The following RASGRF2 variants were observed in gnomAD, a reference collection of about 807,000 sequenced individuals.
The protein encoded by RASGRF2 is ras-specific guanine nucleotide-releasing factor 2.
RASGRF2 carries 76 observed loss-of-function variants against 151.0 expected under a neutral mutation model. The observed-to-expected ratio is 0.50, with a 90% CI of 0.42 to 0.61. The LOEUF is 0.61. RASGRF2 is among the 20% of genes least tolerant of loss of function. The pLI is 0.00. For synonymous variants in RASGRF2, 504 were observed against 566.5 expected (o/e 0.89, Z 1.57); for missense variants, 1,148 against 1,564.6 (o/e 0.73, Z 4.49).
intron 18 of RASGRF2, among the ~76,000 whole-genome samples, chr5:81,188,953 T>C (rs1051153742): frequency 1.3e-5 from 2 of 152,234 alleles, no homozygotes; most frequent in African/African-American, 4.8e-5. Context: ...ACAGTGAGAA[T>C]AGCACATGTC....
chr5:81,087,030 G>GT, intron 9 of RASGRF2, 77 bp downstream of exon 9: 1 of 1,342,110 alleles, frequency 7.5e-7, no homozygotes, highest in Non-Finnish European at 1.1e-6. Context: ...CCCGGAAGGC[G>GT]TTCTGAACAG....
chr5:80,988,102 G>A (rs1692775287), intron 1 of RASGRF2, among the ~76,000 whole-genome samples: 1 of 151,602 alleles, frequency 6.6e-6, no homozygotes, highest in South Asian at 2.1e-4. Flanking sequence ...CCAGGCTGGA[G>A]TGCAGTGGCA....
At chr5:81,031,319 C>T (rs1418691693) in intron 1 of RASGRF2, among the ~76,000 whole-genome samples, 1 of 152,194 alleles carries the variant, frequency 6.6e-6, no homozygotes, top group Non-Finnish European at 1.5e-5. Context: ...ATCTACAGAA[C>T]TCTCCACCCC....
chr5:81,158,591 G>A (rs894417792), intron 17 of RASGRF2, among the ~76,000 whole-genome samples: 2 of 151,674 alleles, frequency 1.3e-5, no homozygotes, highest in Admixed American at 1.3e-4. Flanking sequence ...AATATATAAA[G>A]AAGTTTTACA....
rs1580182689 is a variant in RASGRF2 at position 80,997,292 on chromosome 5, A to G, written c.288+36266A>G. 5 of 152,336 alleles carry G rather than the reference A, an allele frequency of 3.3e-5. 1 individual carries two copies. The highest frequency in any genetic ancestry group is 6.5e-5 in the Admixed American group (1 of 15,300). 9.4% of individuals were successfully genotyped at this position (152,336 alleles called of 1,614,324 possible). A position where few individuals can be genotyped will look rare whatever the true frequency, so the allele number is the denominator to read the frequency against. ...CTTCTCCATGGATGCTGCAAATTAG[A>G]ATGTCTTCACTAAGCAGAGGGTCTC... On this transcript the variant is annotated intron_variant, in intron 1 of 26. Coordinates refer to ENST00000265080, the MANE Select transcript of RASGRF2 (RefSeq NM_006909.3).
chr5:81,204,858 G>A (rs1345967438), intron 19 of RASGRF2, among the ~76,000 whole-genome samples: 1 of 152,148 alleles, frequency 6.6e-6, no homozygotes, highest in Non-Finnish European at 1.5e-5. Context: ...TAAGATCATT[G>A]AGAAGAGGAA....
At chr5:81,199,967 T>C (rs529669010) in intron 18 of RASGRF2, among the ~76,000 whole-genome samples, 1 of 151,158 alleles carries the variant, frequency 6.6e-6, no homozygotes, top group South Asian at 2.1e-4. Context: ...TATTTGGAAT[T>C]CTACTATAAA....
chr5:81,121,335 C>A (rs760846788), intron 15 of RASGRF2, among the ~76,000 whole-genome samples: 5 of 152,152 alleles, frequency 3.3e-5, no homozygotes, highest in Non-Finnish European at 7.3e-5. Flanking sequence ...AACCCCACAC[C>A]ACCTCATTGT....
chr5:81,151,385 CT>C (rs34158947), intron 17 of RASGRF2, among the ~76,000 whole-genome samples: 55,993 of 134,364 alleles, frequency 0.42, 11,490 homozygotes, highest in East Asian at 0.8. Flanking sequence ...AAACTGGTAC[CT>C]TTTTTTTTTT....
At chr5:80,978,747 A>G (rs1185640203) in intron 1 of RASGRF2, among the ~76,000 whole-genome samples, 2 of 151,968 alleles carry the variant, frequency 1.3e-5, no homozygotes, top group Non-Finnish European at 1.5e-5. Flanking sequence ...AGATCGTGCC[A>G]TTGCACTCCA....
chr5:81,012,967 G>A (rs373107999), intron 1 of RASGRF2, among the ~76,000 whole-genome samples: 1 of 152,300 alleles, frequency 6.6e-6, no homozygotes, highest in South Asian at 2.1e-4. Flanking sequence ...CAGGGGATTG[G>A]AAGGAAAGGG....
intron 1 of RASGRF2, among the ~76,000 whole-genome samples, chr5:81,033,169 C>T (rs1220655492): frequency 6.6e-6 from 1 of 150,496 alleles, no homozygotes; most frequent in East Asian, 1.9e-4. Context: ...AATGGAAGAA[C>T]ATTCCATGCT....
Position 80,961,996 on chromosome 5 carries a change from G to C in RASGRF2, c.288+970G>C, listed in dbSNP as rs575598435. ...TTTTTGCTGTTGCGTAAAAATATTC[G>C]CAGCTGAATTTTCCATGTGAGTTCA... On this transcript the variant is annotated intron_variant, in intron 1 of 26. Transcript: ENST00000265080. 5.9e-5 allele frequency among the ~76,000 whole-genome samples: 9 copies of C among 152,194 alleles called. No individual in the cohort carries two copies. In the South Asian group the frequency reaches 1.9e-3, roughly 32 times the overall value.
At position 81,193,666 on chromosome 5, in the gene RASGRF2, C is replaced by G. The variant is rs540389495; in HGVS notation, c.2794-7664C>G. Among the ~76,000 whole-genome samples the G allele has an allele frequency of 5.3e-5, 8 of 152,304 alleles. No homozygotes were observed. The East Asian group carries it at 1.3e-3, about 26-fold the overall frequency. ...GCGTAGCTGGGATTACAGGCGCCCACCACCATGCCCAGCTAATTTTCGTAT... is the reference window on the plus strand; with the variant it reads ...GCGTAGCTGGGATTACAGGCGCCCAGCACCATGCCCAGCTAATTTTCGTAT... On this transcript the variant is annotated intron_variant, in intron 18 of 26. Transcript: ENST00000265080.
intron 1 of RASGRF2, among the ~76,000 whole-genome samples, chr5:80,969,713 A>G (rs1178214456): frequency 6.6e-6 from 1 of 151,328 alleles, no homozygotes; most frequent in Non-Finnish European, 1.5e-5. Context: ...GGCCTCCCAA[A>G]GTGCTGGGAT....
chr5:81,137,312 G>A (rs1179485502), intron 17 of RASGRF2, among the ~76,000 whole-genome samples: 1 of 152,158 alleles, frequency 6.6e-6, no homozygotes, highest in Non-Finnish European at 1.5e-5. Flanking sequence ...ATGTTTGGTA[G>A]GTTAGATATA....
chr5:81,215,265 ATCTTT>A (rs1271967978), intron 23 of RASGRF2, among the ~76,000 whole-genome samples: 2 of 146,314 alleles, frequency 1.4e-5, no homozygotes, highest in African/African-American at 5.1e-5. Flanking sequence ...TGAATATAGA[ATCTTT>A]TTTTTTTTTT....
chr5:81,042,622 A>G (rs774906211), intron 1 of RASGRF2, among the ~76,000 whole-genome samples: 8 of 152,164 alleles, frequency 5.3e-5, no homozygotes, highest in Non-Finnish European at 1.0e-4. Flanking sequence ...TTTTTTGTAC[A>G]TTATAGAAAG....
intron 17 of RASGRF2, among the ~76,000 whole-genome samples, chr5:81,162,563 G>T (rs752030169): frequency 3.3e-5 from 5 of 150,574 alleles, no homozygotes; most frequent in Non-Finnish European, 5.9e-5. Flanking sequence ...GGTCAGGCTG[G>T]TCTGGAACTC....
Sources: gnomAD v4.1 joint callset for allele counts (sites outside exome capture counted in the v4.1 genomes callset) on GRCh38, gnomAD v4.1.1 for gene constraint, MANE v1.5 for transcripts, NCBI Gene and HGNC (gene_info 2026-07-23, HGNC 2026-07-21) for gene names.